LMNTD1: variants seen among roughly 807,000 people sequenced by gnomAD.
LMNTD1 encodes lamin tail domain-containing protein 1.
A neutral mutation model predicts 50.9 loss-of-function variants in LMNTD1; 35 were observed. The ratio of observed to expected loss-of-function variants is 0.69; its 90% CI spans 0.53 to 0.91. LMNTD1 has a LOEUF of 0.91. LMNTD1 is among the 40% of genes least tolerant of loss of function. LMNTD1 has a pLI of 0.00. For missense variants in LMNTD1, 470 were observed against 475.5 expected (o/e 0.99, Z 0.11); for synonymous variants, 153 against 161.9 (o/e 0.94, Z 0.42).
chr12:25,491,675 A>T (rs912655078), intron 9 of LMNTD1, among the ~76,000 whole-genome samples: 5 of 152,214 alleles, frequency 3.3e-5, no homozygotes, highest in Non-Finnish European at 7.3e-5. Flanking sequence ...TGCCAGCCTG[A>T]TGGTGATGTG....
intron 1 of LMNTD1, among the ~76,000 whole-genome samples, chr12:25,610,439 A>C (rs1293009491): frequency 6.6e-6 from 1 of 152,204 alleles, no homozygotes; most frequent in Non-Finnish European, 1.5e-5. Context: ...TGAGAGCTGC[A>C]GACCGGAGCT....
intron 1 of LMNTD1, among the ~76,000 whole-genome samples, chr12:25,603,903 G>C (rs1946036277): frequency 6.6e-6 from 1 of 151,758 alleles, no homozygotes; most frequent in African/African-American, 2.4e-5. Context: ...TGCAAGTCAG[G>C]GAAATTGTAG....
At chr12:25,538,158 T>C (rs1410431059) in intron 4 of LMNTD1, among the ~76,000 whole-genome samples, 1 of 79,088 alleles carries the variant, frequency 1.3e-5, no homozygotes, top group African/African-American at 3.8e-5. Context: ...TGCAGGATAT[T>C]ATCCAGGAGA....
chr12:25,575,592 T>C (rs781086777), intron 1 of LMNTD1, among the ~76,000 whole-genome samples: 14 of 152,140 alleles, frequency 9.2e-5, no homozygotes, highest in Non-Finnish European at 1.9e-4. Context: ...ATGGGGAAGA[T>C]ATAAAATAAA....
chr12:25,603,987 G>C (rs1946039594), intron 1 of LMNTD1, among the ~76,000 whole-genome samples: 1 of 152,018 alleles, frequency 6.6e-6, no homozygotes, highest in Admixed American at 6.6e-5. Context: ...TACATGTCAG[G>C]CTAATAAAGA....
At chr12:25,482,724 C>T (rs1938483002) in intron 9 of LMNTD1, among the ~76,000 whole-genome samples, 1 of 151,866 alleles carries the variant, frequency 6.6e-6, no homozygotes, top group African/African-American at 2.4e-5. Context: ...TCTGCAGGAC[C>T]CTTCTCTAAT....
At chr12:25,542,136 AGTTCAACCATT>A (rs1180412476) in intron 4 of LMNTD1, among the ~76,000 whole-genome samples, 1 of 151,532 alleles carries the variant, frequency 6.6e-6, no homozygotes, top group Non-Finnish European at 1.5e-5. Flanking sequence ...ACTGTAAACT[AGTTCAACCATT>A]GTGGAAGTCA....
At chr12:25,642,174 G>C (rs921974867) in intron 1 of LMNTD1, among the ~76,000 whole-genome samples, 1 of 151,962 alleles carries the variant, frequency 6.6e-6, no homozygotes, top group East Asian at 1.9e-4. Flanking sequence ...TTTTTGTTTT[G>C]GGCCTTGAGA....
In LMNTD1 at chr12:25,559,438, T is replaced by C. The variant is rs1036207604; in HGVS notation, c.59-12884A>G. Among the ~76,000 whole-genome samples, 366 of 152,324 alleles carry C rather than the reference T, an allele frequency of 2.4e-3. 12 individuals carry two copies. The highest frequency in any genetic ancestry group is 2.2e-4 in the Non-Finnish European group (15 of 68,036). ...TATGTGACACATTTTCTTAATCCAG[T>C]CTATCATTGATGGACATTTGGGTTG... is the stretch of plus-strand genomic sequence containing the variant. On this transcript the variant is annotated intron_variant, in intron 1 of 7. Transcript: ENST00000445693.
At chr12:25,571,036 G>C (rs923011719) in intron 1 of LMNTD1, among the ~76,000 whole-genome samples, 3 of 152,190 alleles carry the variant, frequency 2.0e-5, no homozygotes, top group Non-Finnish European at 4.4e-5. Context: ...AGGTGGCTCA[G>C]TGCTCAGCAG....
chr12:25,553,631 A>G (rs1392256107), upstream of LMNTD1, among the ~76,000 whole-genome samples: 1 of 152,150 alleles, frequency 6.6e-6, no homozygotes, highest in African/African-American at 2.4e-5. Context: ...TAAAACTTCA[A>G]TGCAAAAAGA....
chr12:25,608,985 C>T (rs980565086), intron 1 of LMNTD1, among the ~76,000 whole-genome samples: 1 of 152,224 alleles, frequency 6.6e-6, no homozygotes, highest in Non-Finnish European at 1.5e-5. Context: ...GGTCTTTTCA[C>T]ATAGTCCCAT....
At position 25,597,804 on chromosome 12, in the gene LMNTD1, T is replaced by C. The variant is rs143420746; in HGVS notation, c.58+50690A>G. Among the ~76,000 whole-genome samples the C allele has an allele frequency of 2.0e-5, 3 of 152,336 alleles. No individual in the cohort carries two copies. The East Asian group carries it at 5.8e-4, about 29-fold the overall frequency. On this transcript the variant is annotated intron_variant, in intron 1 of 7. Transcript: ENST00000445693. ...TTGAAACAATGTCCAGCATCTTCTC[T>C]GATCACAATGGAATAAAACTATACA...
chr12:25,641,280 T>C (rs148120292), intron 1 of LMNTD1, among the ~76,000 whole-genome samples: 3 of 152,322 alleles, frequency 2.0e-5, no homozygotes, highest in African/African-American at 7.2e-5. Context: ...ATTGATGTCT[T>C]GATTTCCTTT....
chr12:25,520,139 GATATACATATAT>G (rs1276623523), intron 6 of LMNTD1, 64 bp from the exon 7 acceptor site: 1,701 of 152,366 alleles, frequency 0.011, 182 homozygotes, highest in Non-Finnish European at 0.014. Context: ...GCTGTTATGA[GATATACATATAT>G]ATATATATAT....
chr12:25,492,892 C>G (rs1282993251), intron 9 of LMNTD1, among the ~76,000 whole-genome samples: 2 of 152,298 alleles, frequency 1.3e-5, no homozygotes, highest in East Asian at 3.9e-4. Context: ...CTTTTCTGGA[C>G]TCATCTCCTT....
chr12:25,501,822 G>T (rs900678507), intron 9 of LMNTD1, among the ~76,000 whole-genome samples: 1 of 152,138 alleles, frequency 6.6e-6, no homozygotes, highest in East Asian at 1.9e-4. Flanking sequence ...TGACAAGTCC[G>T]ACTCAGGAGC....
chr12:25,526,998 G>A (rs1705419), intron 4 of LMNTD1, 43 bp from the exon 5 acceptor site: 1,177,847 of 1,418,390 alleles, frequency 0.83, 491,752 homozygotes, highest in East Asian at 0.9. Flanking sequence ...CTTCAGATAG[G>A]AGTGTCTTTG....
chr12:25,498,890 C>CA (rs1487125979), intron 9 of LMNTD1, among the ~76,000 whole-genome samples: 1 of 151,998 alleles, frequency 6.6e-6, no homozygotes, highest in African/African-American at 2.4e-5. Context: ...TTGTCCTGAG[C>CA]AAAAAAATTA....
Sources: gnomAD v4.1 joint callset for allele counts (sites outside exome capture counted in the v4.1 genomes callset) on GRCh38, gnomAD v4.1.1 for gene constraint, MANE v1.5 for transcripts, NCBI Gene and HGNC (gene_info 2026-07-23, HGNC 2026-07-21) for gene names.